Variants in LINGO2 observed in about 807,000 individuals in gnomAD.
LINGO2 encodes the protein leucine rich repeat and Ig domain containing 2.
LINGO2 carries 14 observed loss-of-function variants against 30.6 expected under a neutral mutation model. That is an observed-to-expected ratio of 0.46 (90% confidence interval 0.30 to 0.72). The LOEUF (loss-of-function observed/expected upper bound fraction) is 0.72, where lower values mean the gene tolerates loss of function less well. Ranked by LOEUF, LINGO2 falls within the 30% of genes least tolerant of loss-of-function variation. LINGO2 has a pLI of 0.07. For synonymous variants in LINGO2, 317 were observed against 288.5 expected, an observed-to-expected ratio of 1.10 and a Z score of -1.00; for missense variants, 729 against 751.7, an observed-to-expected ratio of 0.97 and a Z score of 0.35.
the LINGO2 span, among the ~76,000 whole-genome samples, chr9:28,901,145 C>T: frequency 6.6e-6 from 1 of 151,794 alleles, no homozygotes; most frequent in African/African-American, 2.4e-5. Context: ...CCTTATAGAC[C>T]AGGAGAAAGT....
the LINGO2 span, among the ~76,000 whole-genome samples, chr9:29,108,926 C>T: frequency 3.3e-5 from 5 of 152,188 alleles, no homozygotes; most frequent in Admixed American, 3.3e-4. Context: ...AAAAGCTGCA[C>T]TATGCACTTA....
intron 1 of LINGO2, among the ~76,000 whole-genome samples, chr9:28,506,843 C>T (rs1439164418): frequency 6.6e-6 from 1 of 151,742 alleles, no homozygotes; most frequent in Non-Finnish European, 1.5e-5. Context: ...CAAAGGTATT[C>T]CCCCTGGGAA....
chr9:28,181,278 C>T (rs1228073503), intron 4 of LINGO2, among the ~76,000 whole-genome samples: 1 of 152,166 alleles, frequency 6.6e-6, no homozygotes, highest in Non-Finnish European at 1.5e-5. Context: ...GGGATGTATT[C>T]ATTGACTGAG....
chr9:28,250,876 TC>T (rs953079123), intron 4 of LINGO2, among the ~76,000 whole-genome samples: 2 of 152,012 alleles, frequency 1.3e-5, no homozygotes, highest in African/African-American at 2.4e-5. Context: ...TGAGGCCACT[TC>T]CACCTTGGTG....
Position 28,476,937 on chromosome 9 carries a change from T to C in LINGO2, c.-364-912A>G, listed in dbSNP as rs140104582. Among the ~76,000 whole-genome samples, 272 of 152,350 alleles carry C rather than the reference T, an allele frequency of 1.8e-3. 1 individual carries two copies. The highest frequency in any genetic ancestry group is 5.4e-3 in the African/African-American group (225 of 41,584). ...AAAGTTGTAAAAGGAAATGAGATGT[T>C]CTTTTCAGGATTAGAATATGACATT... On this transcript the variant is annotated intron_variant, in intron 1 of 5. Coordinates refer to ENST00000379992, the Ensembl canonical transcript of LINGO2.
chr9:28,815,594 C>T, the LINGO2 span, among the ~76,000 whole-genome samples: 1 of 151,972 alleles, frequency 6.6e-6, no homozygotes, highest in Non-Finnish European at 1.5e-5. Context: ...AAATAGAAGT[C>T]ATTCTCAGAA....
rs145827775 is a variant in LINGO2, at chr9:28,316,048, GATA to G, written c.-245-20685_-245-20683del. ...CTCAAGTTTCTCATTTACAAATACA[GATA>G]ATAATAAAAAATATTTCTCACTTTA... On this transcript the variant is annotated intron_variant, in intron 3 of 5. Transcript: ENST00000379992. Among the ~76,000 whole-genome samples, 2,164 of 151,960 alleles carry G rather than the reference GATA, an allele frequency of 0.014. 89 individuals are homozygous for G. In the East Asian group the frequency reaches 0.15, roughly 10 times the overall value.
chr9:28,175,780 A>T (rs1369838288), intron 4 of LINGO2, among the ~76,000 whole-genome samples: 9 of 152,158 alleles, frequency 5.9e-5, no homozygotes, highest in South Asian at 2.1e-4. Flanking sequence ...GTTCACTCTT[A>T]TTACAATGTT....
the LINGO2 span, among the ~76,000 whole-genome samples, chr9:28,894,295 C>T: frequency 6.6e-6 from 1 of 151,974 alleles, no homozygotes; most frequent in Non-Finnish European, 1.5e-5. Context: ...TATATGGTTG[C>T]TGTTATATTG....
At chr9:29,026,257 G>A in the LINGO2 span, among the ~76,000 whole-genome samples, 105 of 151,904 alleles carry the variant, frequency 6.9e-4, no homozygotes, top group Non-Finnish European at 1.4e-3. Flanking sequence ...TCAAACTCCT[G>A]AGCTCAAGCA....
At chr9:28,885,710 C>G in the LINGO2 span, among the ~76,000 whole-genome samples, 1 of 152,018 alleles carries the variant, frequency 6.6e-6, no homozygotes, top group African/African-American at 2.4e-5. Flanking sequence ...ACTGAACTTT[C>G]TAGTTGCCTA....
chr9:29,082,781 C>G, the LINGO2 span, among the ~76,000 whole-genome samples: 1 of 152,138 alleles, frequency 6.6e-6, no homozygotes, highest in African/African-American at 2.4e-5. Context: ...AGGATATGAA[C>G]AGACACTTCT....
chr9:28,572,663 G>C (rs1823753703), intron 1 of LINGO2, among the ~76,000 whole-genome samples: 1 of 150,832 alleles, frequency 6.6e-6, no homozygotes, highest in Admixed American at 6.6e-5. Context: ...CAGCGCTCTT[G>C]AATAGCAAAA....
intron 4 of LINGO2, among the ~76,000 whole-genome samples, chr9:28,060,323 G>A (rs1015056281): frequency 6.7e-6 from 1 of 149,328 alleles, no homozygotes; most frequent in African/African-American, 2.4e-5. Context: ...TTGTAATTAC[G>A]ATCTTCCTAT....
upstream of LINGO2, among the ~76,000 whole-genome samples, chr9:28,671,300 A>G (rs1828999783): frequency 6.6e-6 from 1 of 151,988 alleles, no homozygotes; most frequent in South Asian, 2.1e-4. Context: ...ATAAAAAGGG[A>G]TGGTAGAAAG....
the LINGO2 span, among the ~76,000 whole-genome samples, chr9:28,823,476 G>A: frequency 1.3e-5 from 2 of 152,092 alleles, no homozygotes; most frequent in Non-Finnish European, 2.9e-5. Context: ...AAAATCTATG[G>A]TACTATCTCT....
chr9:28,020,966 A>G (rs540775457), intron 4 of LINGO2, among the ~76,000 whole-genome samples: 1 of 152,098 alleles, frequency 6.6e-6, no homozygotes, highest in Non-Finnish European at 1.5e-5. Flanking sequence ...TATCAGTTGT[A>G]TTGATCATTT....
intron 5 of LINGO2, among the ~76,000 whole-genome samples, chr9:28,001,911 T>C (rs1230395504): frequency 2.6e-5 from 4 of 152,228 alleles, no homozygotes; most frequent in African/African-American, 9.6e-5. Flanking sequence ...AATTGATACA[T>C]TGAAAGTTAC....
intron 1 of LINGO2, among the ~76,000 whole-genome samples, chr9:28,630,332 T>C (rs112914923): frequency 4.6e-5 from 7 of 152,248 alleles, no homozygotes; most frequent in African/African-American, 1.4e-4. Context: ...AACTATATTC[T>C]AATTGGCTCA....
Sources: gnomAD v4.1 joint callset for allele counts (sites outside exome capture counted in the v4.1 genomes callset) on GRCh38, gnomAD v4.1.1 for gene constraint, MANE v1.5 for transcripts, NCBI Gene and HGNC (gene_info 2026-07-23, HGNC 2026-07-21) for gene names.